Variants in RADX observed in about 807,000 individuals in gnomAD.
RADX encodes RPA-related protein RADX.
Under a neutral mutation model 61.6 loss-of-function variants are expected in RADX, and 36 were observed. The ratio of observed to expected loss-of-function variants is 0.58; its 90% CI spans 0.45 to 0.77. RADX has a LOEUF of 0.77. Among genes scored for constraint, RADX ranks in the 30% least tolerant of loss-of-function variants. The pLI, the probability that RADX is intolerant of heterozygous loss-of-function variation, is 0.00. For synonymous variants in RADX, 272 were observed against 237.9 expected (o/e 1.14, Z -1.32); for missense variants, 497 against 651.1 (o/e 0.76, Z 2.58).
rs1357148175 is a variant in RADX at position 106,669,225 on chromosome X, C to T, written c.2332C>T (p.Arg778Ter). 1 of 1,195,035 alleles carries T rather than the reference C, an allele frequency of 8.4e-7. No homozygotes were observed. The change falls in exon 13 of 14, where the codon CGA becomes TGA. Residue 778 changes from arginine to a stop codon, truncating the protein, a stop_gained. Coordinates refer to ENST00000372548, the MANE Select transcript of RADX (RefSeq NM_018015.6). LOFTEE classifies it high-confidence loss of function. ...ACCCATGTATTGTCCAGAAGATATT[C>T]GAACATCTCAAATAGACACACTGTT... ...FLPMYCPEDI[R>*]TSQIDTLLTS...
chrX:106,669,425 A>G, intron 13 of RADX, 95 bp downstream of exon 13: 3 of 549,640 alleles, frequency 5.5e-6, no homozygotes, highest in Non-Finnish European at 8.7e-6. Context: ...TTTTAGCCTT[A>G]AAATTTAGTG....
chrX:106,664,927 A>G (rs145018072), intron 12 of RADX, among the ~76,000 whole-genome samples: 154 of 111,532 alleles, frequency 1.4e-3, no homozygotes, highest in Middle Eastern at 9.2e-3. Context: ...TAGTACTTGA[A>G]GTATACATTG....
chrX:106,643,071 C>T (rs1019639462), intron 10 of RADX, among the ~76,000 whole-genome samples: 4 of 110,984 alleles, frequency 3.6e-5, no homozygotes, highest in African/African-American at 1.3e-4. Context: ...TTGCATTTCT[C>T]TGATGATCAG....
At chrX:106,626,686 G>T (rs1003883895) in intron 3 of RADX, among the ~76,000 whole-genome samples, 5 of 112,154 alleles carry the variant, frequency 4.5e-5, no homozygotes, top group African/African-American at 1.6e-4. Flanking sequence ...GATAGCCTTG[G>T]TGATAATATA....
Position 106,678,928 on chromosome X carries a change from A to G in RADX, c.*670A>G, listed in dbSNP as rs1928578330. The stretch of plus-strand genomic sequence containing the variant: ...TAAAGTCAAAGGCTGCAGTATGTCT[A>G]TATTCTTGCTGTACTCATTGGTAGT... On this transcript the variant is annotated 3_prime_UTR_variant, in exon 14 of 14. Transcript: ENST00000372548. The G allele has an allele frequency of 8.9e-6, 1 of 112,443 alleles. No individual in the cohort carries two copies. The highest frequency in any genetic ancestry group is 3.2e-5 in the African/African-American group (1 of 30,848). 9.3% of individuals were successfully genotyped at this position (112,443 alleles called of 1,213,427 possible).
chrX:106,656,065 A>G (rs918660159), intron 11 of RADX, among the ~76,000 whole-genome samples: 5 of 112,295 alleles, frequency 4.5e-5, no homozygotes, highest in African/African-American at 1.6e-4. Flanking sequence ...ACTCCTTTCA[A>G]AAATTGACAC....
intron 11 of RADX, among the ~76,000 whole-genome samples, chrX:106,654,472 C>T (rs1015632054): frequency 9.0e-6 from 1 of 111,109 alleles, no homozygotes; most frequent in Non-Finnish European, 1.9e-5. Context: ...ACCATCTGAT[C>T]TTTGACAAAC....
At chrX:106,653,502 A>C (rs1215659305) in intron 11 of RADX, among the ~76,000 whole-genome samples, 1 of 97,524 alleles carries the variant, frequency 1.0e-5, no homozygotes, top group Non-Finnish European at 2.1e-5. Flanking sequence ...TAATGGGATT[A>C]TGTTTTATTT....
intron 3 of RADX, among the ~76,000 whole-genome samples, chrX:106,628,098 A>G (rs1927117243): frequency 2.7e-5 from 3 of 111,543 alleles, no homozygotes; most frequent in Admixed American, 9.6e-5. Flanking sequence ...GGCCTCTCAA[A>G]ATGCTAGGAT....
intron 3 of RADX, among the ~76,000 whole-genome samples, chrX:106,625,790 A>G (rs1327940937): frequency 1.8e-5 from 2 of 111,076 alleles, no homozygotes; most frequent in African/African-American, 6.5e-5. Context: ...TTACACACAC[A>G]CACACATACA....
At chrX:106,648,262 A>C in intron 10 of RADX, 51 bp from the exon 11 acceptor site, 1 of 800,760 alleles carries the variant, frequency 1.2e-6, no homozygotes, top group Non-Finnish European at 1.8e-6. Context: ...TTTGTTTTTC[A>C]TTTGAGACTC....
chrX:106,656,864 G>T (rs1393664625), intron 11 of RADX, among the ~76,000 whole-genome samples: 1 of 111,779 alleles, frequency 8.9e-6, no homozygotes, highest in Non-Finnish European at 1.9e-5. Context: ...AGTAGATTTA[G>T]CATAATTCTT....
At position 106,636,641 on chromosome X, in the gene RADX, A is replaced by G; in HGVS notation, c.1402A>G (p.Ile468Val). 1 of 1,091,349 alleles carries G rather than the reference A, an allele frequency of 9.2e-7. No individual in the cohort carries two copies. The highest frequency in any genetic ancestry group is 1.3e-6 in the Non-Finnish European group (1 of 793,146). 89.9% of individuals were successfully genotyped at this position (1,091,349 alleles called of 1,213,427 possible). ...CACTACAAATGAGAGTGGAGTGTTT[A>G]TTACTGGTGAGTAATTTCTTTGTGT... ...LTTTNESGVF[I>V]TGHRGQPYTY... The change falls in exon 7 of 14, where the codon ATT becomes GTT. Residue 468 changes from isoleucine to valine, a missense_variant. Transcript: ENST00000372548.
At chrX:106,642,288 A>G (rs7064745) in intron 10 of RADX, among the ~76,000 whole-genome samples, 65 of 111,279 alleles carry the variant, frequency 5.8e-4, no homozygotes, top group African/African-American at 2.0e-3. Flanking sequence ...ATTTAAATGT[A>G]CAATTAAGTT....
chrX:106,636,352 C>A (rs1287711431), intron 6 of RADX, among the ~76,000 whole-genome samples, 191 bp from the exon 7 acceptor site: 1 of 111,545 alleles, frequency 9.0e-6, no homozygotes, highest in Non-Finnish European at 1.9e-5. Flanking sequence ...CTAATAATTG[C>A]CTAGGAGATT....
chrX:106,637,126 A>G, intron 7 of RADX, among the ~76,000 whole-genome samples: 1 of 111,609 alleles, frequency 9.0e-6, no homozygotes, highest in Non-Finnish European at 1.9e-5. Flanking sequence ...TCCCTCCAAT[A>G]ATAGGATCAA....
At chrX:106,657,923 T>A (rs988595879) in intron 11 of RADX, among the ~76,000 whole-genome samples, 5 of 111,708 alleles carry the variant, frequency 4.5e-5, no homozygotes, top group African/African-American at 6.5e-5. Context: ...ATATGCTGTT[T>A]AAAAAATGTC....
chrX:106,640,948 G>C (rs1273555174), intron 10 of RADX, among the ~76,000 whole-genome samples: 3 of 110,782 alleles, frequency 2.7e-5, no homozygotes, highest in Non-Finnish European at 3.8e-5. Context: ...GGCTGCGAGA[G>C]AGAATCTGTT....
At chrX:106,672,221 C>T (rs750783573) in intron 13 of RADX, among the ~76,000 whole-genome samples, 2 of 111,785 alleles carry the variant, frequency 1.8e-5, no homozygotes, top group Non-Finnish European at 3.8e-5. Flanking sequence ...GTTGTGCAAC[C>T]ATCACCACTA....
Sources: allele counts gnomAD v4.1 joint callset (sites outside exome capture counted in the v4.1 genomes callset), GRCh38; gene constraint gnomAD v4.1.1; transcripts MANE v1.5; gene names NCBI Gene and HGNC (gene_info 2026-07-23, HGNC 2026-07-21).